Variants in RAB40B observed in about 807,000 individuals in gnomAD.
The protein encoded by RAB40B is ras-related protein Rab-40B.
Under a neutral mutation model 24.0 loss-of-function variants are expected in RAB40B, and 21 were observed. That is an observed-to-expected ratio of 0.88 (90% confidence interval 0.62 to 1.26). The LOEUF is 1.26. Ranked by LOEUF, RAB40B falls within the 50% of genes most tolerant of loss-of-function variation. The pLI, the probability that RAB40B is intolerant of heterozygous loss-of-function variation, is 0.00. For missense variants in RAB40B, 348 were observed against 390.5 expected, an observed-to-expected ratio of 0.89 and a Z score of 0.92; for synonymous variants, 167 against 169.8, an observed-to-expected ratio of 0.98 and a Z score of 0.13.
chr17:82,694,847 T>A (rs1398168406), intron 1 of RAB40B, among the ~76,000 whole-genome samples: 1 of 151,614 alleles, frequency 6.6e-6, no homozygotes, highest in East Asian at 1.9e-4. Context: ...ATCTCTACAT[T>A]GTTCAAAGAT....
intron 1 of RAB40B, among the ~76,000 whole-genome samples, chr17:82,695,469 T>C (rs1449070347): frequency 1.3e-5 from 2 of 151,096 alleles, no homozygotes; most frequent in Non-Finnish European, 2.9e-5. Flanking sequence ...GGATTACAGC[T>C]GTGAGCCACT....
intron 1 of RAB40B, among the ~76,000 whole-genome samples, chr17:82,680,100 C>T (rs921173133): frequency 3.9e-5 from 6 of 152,228 alleles, no homozygotes; most frequent in Non-Finnish European, 5.9e-5. Context: ...CAGCTGTCCT[C>T]GGGCTGGCCC....
chr17:82,691,631 G>A (rs1048744570), intron 1 of RAB40B, among the ~76,000 whole-genome samples: 9 of 152,302 alleles, frequency 5.9e-5, no homozygotes, highest in East Asian at 1.9e-4. Context: ...GCAGTGAGCC[G>A]ATGTGGCACC....
intron 1 of RAB40B, among the ~76,000 whole-genome samples, chr17:82,693,044 C>A (rs1248206177): frequency 6.6e-6 from 1 of 151,642 alleles, no homozygotes; most frequent in Admixed American, 6.6e-5. Context: ...ACTCTGTTGC[C>A]CAGGCTGGTG....
chr17:82,697,254 G>A lies in RAB40B; in HGVS notation c.142+1201C>T, dbSNP rs1216524758. Among the ~76,000 whole-genome samples, 4 of 152,088 alleles carry A rather than the reference G, an allele frequency of 2.6e-5. No homozygotes were observed. Among genetic ancestry groups the A allele is most frequent in the African/African-American group, 7.2e-5 (3 of 41,398 alleles). On this transcript the variant is annotated intron_variant, in intron 1 of 5. Coordinates refer to ENST00000571995, the MANE Select transcript of RAB40B (RefSeq NM_006822.3). The surrounding 1 kb of genome is among the most constrained non-coding windows in gnomAD (Gnocchi z 4.9). ...CAGTCTCAGGCCACCCCCTCCAGCC[G>A]TGCCACACTCCCTTGGTGCTCACGC... is the stretch of plus-strand genomic sequence containing the variant.
rs536976059 is a variant in RAB40B at position 82,657,535 on chromosome 17, A to T, written c.*328T>A. On this transcript the variant is annotated 3_prime_UTR_variant, in exon 6 of 6. Coordinates refer to ENST00000571995, the MANE Select transcript of RAB40B (RefSeq NM_006822.3). The stretch of plus-strand genomic sequence containing the variant: ...AATTTATACTAATCACTCCAATATC[A>T]CCGTTCTTACAAAAGCAGTTATTTT... 4.8e-6 allele frequency: 2 copies of T among 416,142 alleles called. No individual in the cohort carries two copies. Among genetic ancestry groups the T allele is most frequent in the Non-Finnish European group, 9.1e-6 (2 of 219,532 alleles). 25.8% of individuals were successfully genotyped at this position (416,142 alleles called of 1,614,324 possible).
intron 4 of RAB40B, 104 bp downstream of exon 4, chr17:82,659,476 G>T: frequency 8.7e-7 from 1 of 1,153,028 alleles, no homozygotes; most frequent in East Asian, 2.4e-5. Flanking sequence ...CCTGGCCTGT[G>T]ATCCATGGGT....
intron 1 of RAB40B, among the ~76,000 whole-genome samples, chr17:82,665,905 A>AAAAAAAAAAC (rs1568033388): frequency 6.7e-6 from 1 of 149,170 alleles, no homozygotes. Flanking sequence ...AAAAAAAAAA[A>AAAAAAAAAAC]AAAAAAAAAC....
intron 2 of RAB40B, chr17:82,662,010 C>T: frequency 1.0e-6 from 1 of 985,374 alleles, no homozygotes; most frequent in Non-Finnish European, 1.2e-6. Context: ...TCTGCACATG[C>T]AACGAACACA....
Position 82,697,886 on chromosome 17 carries a change from C to A in RAB40B, c.142+569G>T, listed in dbSNP as rs893985412. ...GCGAGTCACCTGTGCTCCTTCCTCT[C>A]CCCCGGACACGCGGGACCCCTGGCC... On this transcript the variant is annotated intron_variant, in intron 1 of 5. Coordinates refer to ENST00000571995, the MANE Select transcript of RAB40B (RefSeq NM_006822.3). This position sits in a 1 kb window ranked among gnomAD's most constrained non-coding sequence, Gnocchi z 4.9. 1.3e-5 allele frequency among the ~76,000 whole-genome samples: 2 copies of A among 152,206 alleles called. No homozygotes were observed. The highest frequency in any genetic ancestry group is 2.9e-5 in the Non-Finnish European group (2 of 68,026).
In RAB40B at chr17:82,655,312, T is replaced by G. The variant is rs1276009581; in HGVS notation, c.*2551A>C. The G allele has an allele frequency of 6.6e-6, 1 of 152,166 alleles. No homozygotes were observed. Among genetic ancestry groups the G allele is most frequent in the Non-Finnish European group, 1.5e-5 (1 of 68,038 alleles). The allele number at this position is 152,166 out of a possible 1,614,324, so 9.4% of individuals were successfully genotyped here. The stretch of plus-strand genomic sequence containing the variant: ...GCTTCTGGGGACTTCTGGTGGTGTT[T>G]CCCTGGAGGGCCAAGGCCTCCGGGC... On this transcript the variant is annotated 3_prime_UTR_variant, in exon 6 of 6. Transcript: ENST00000571995.
At position 82,674,714 on chromosome 17, in the gene RAB40B, A is replaced by AG. The variant is rs2046379367; in HGVS notation, c.143-10159dup. Among the ~76,000 whole-genome samples, 4 of 151,796 alleles carry AG rather than the reference A, an allele frequency of 2.6e-5. No individual in the cohort carries two copies. In the South Asian group the frequency reaches 8.3e-4, roughly 32 times the overall value. On this transcript the variant is annotated intron_variant, in intron 1 of 5. Coordinates refer to ENST00000571995, the MANE Select transcript of RAB40B (RefSeq NM_006822.3). ...TGGGGAATGACTGACTGAACGGGGG[A>AG]GGGGCCTCCTTGTCACCTGCGTCAC...
At chr17:82,670,004 C>T (rs544804953) in intron 1 of RAB40B, among the ~76,000 whole-genome samples, 38 of 152,258 alleles carry the variant, frequency 2.5e-4, no homozygotes, top group Non-Finnish European at 5.1e-4. Context: ...AATCTATTTT[C>T]GAATGCGGAG....
At chr17:82,684,011 A>G (rs2046471209) in intron 1 of RAB40B, among the ~76,000 whole-genome samples, 1 of 151,970 alleles carries the variant, frequency 6.6e-6, no homozygotes. Context: ...ACCTGAAGTC[A>G]GGAGTTCGAG....
At chr17:82,687,123 T>C (rs1355331196) in intron 1 of RAB40B, among the ~76,000 whole-genome samples, 1 of 151,942 alleles carries the variant, frequency 6.6e-6, no homozygotes, top group African/African-American at 2.4e-5. Context: ...CTGGCCTCTA[T>C]GTCTCTCCAA....
At position 82,674,624 on chromosome 17, in the gene RAB40B, G is replaced by A. The variant is rs113111046; in HGVS notation, c.143-10068C>T. Among the ~76,000 whole-genome samples the A allele has an allele frequency of 1.2e-3, 162 of 134,260 alleles. 2 individuals carry two copies. In the Middle Eastern group the frequency reaches 0.018, roughly 15 times the overall value. The allele number at this position is 134,260 out of a possible 152,430, so 88.1% of individuals were successfully genotyped here. On this transcript the variant is annotated intron_variant, in intron 1 of 5. Transcript: ENST00000571995. ...ACTGCACTCCAGCCTGGGCGACAGA[G>A]CAAGACTCGTCTTAAAAAAAAAAAA...
intron 1 of RAB40B, among the ~76,000 whole-genome samples, chr17:82,666,225 A>AGCTGCTGCTCCCGGCC: frequency 6.6e-6 from 1 of 151,156 alleles, no homozygotes; most frequent in South Asian, 2.1e-4. Context: ...TACAGGCATG[A>AGCTGCTGCTCCCGGCC]ACCACCATGC....
chr17:82,694,556 CACAT>C lies in RAB40B; in HGVS notation c.142+3895_142+3898del, dbSNP rs778214921. On this transcript the variant is annotated intron_variant, in intron 1 of 5. Transcript: ENST00000571995. ...AAGAAAAAAAAAATACATACACACA[CACAT>C]ACACACACACACCTGGAAACTCAAA... Among the ~76,000 whole-genome samples, 60 of 143,676 alleles carry C rather than the reference CACAT, an allele frequency of 4.2e-4. 2 individuals are homozygous for C. The highest frequency in any genetic ancestry group is 1.2e-3 in the East Asian group (6 of 5,030). The allele number at this position is 143,676 out of a possible 152,430, so 94.3% of individuals were successfully genotyped here. A position where few individuals can be genotyped will look rare whatever the true frequency, so the allele number is the denominator to read the frequency against.
At chr17:82,687,080 C>T (rs2046510372) in intron 1 of RAB40B, among the ~76,000 whole-genome samples, 1 of 152,142 alleles carries the variant, frequency 6.6e-6, no homozygotes, top group African/African-American at 2.4e-5. Flanking sequence ...GTGGGCCCCC[C>T]CACACCCCCG....
Sources: allele counts gnomAD v4.1 joint callset (sites outside exome capture counted in the v4.1 genomes callset), GRCh38; gene constraint gnomAD v4.1.1; non-coding constraint Gnocchi (gnomAD v3.1); transcripts MANE v1.5; gene names NCBI Gene and HGNC (gene_info 2026-07-23, HGNC 2026-07-21).